Variants in PP2D1 observed in about 807,000 individuals in gnomAD.
PP2D1 encodes the protein protein phosphatase 2C-like domain-containing protein 1.
Under a neutral mutation model 30.2 loss-of-function variants are expected in PP2D1, and 25 were observed. The ratio of observed to expected loss-of-function variants is 0.83; its 90% confidence interval spans 0.60 to 1.16. The LOEUF (loss-of-function observed/expected upper bound fraction) is 1.16, where lower values mean the gene tolerates loss of function less well. Ranked by LOEUF, PP2D1 falls within the 50% of genes most tolerant of loss-of-function variation. PP2D1 has a pLI of 0.00. For missense variants in PP2D1, 760 were observed against 742.4 expected (o/e 1.02, Z -0.28); for synonymous variants, 260 against 258.9 (o/e 1.00, Z -0.04).
intron 1 of PP2D1, among the ~76,000 whole-genome samples, chr3:20,008,450 C>T (rs62241330): frequency 0.16 from 23,879 of 151,930 alleles, 2,468 homozygotes; most frequent in Non-Finnish European, 0.23. Context: ...GTCTGTAATC[C>T]GAGCTACTCG....
chr3:20,001,315 T>C lies in PP2D1; in HGVS notation c.805A>G (p.Ile269Val), dbSNP rs1697248720. The change falls in exon 2 of 3, where the codon ATA becomes GTA. Residue 269 changes from isoleucine (I) to valine (V), a missense_variant. By Grantham distance (29) the Ile-to-Val change is conservative. Around this residue, in one of 3 missense-constraint regions of PP2D1, gnomAD observed 374 missense variants for 388.8 expected, o/e 0.96. Coordinates refer to ENST00000389050, the MANE Select transcript of PP2D1 (RefSeq NM_001252657.2). Reference protein sequence around the residue: ...YAAIEDLFSAINKTEAVRCEY... With the variant: ...YAAIEDLFSAVNKTEAVRCEY... ...CACCTCACTGCTTCTGTTTTGTTTATGGCAGAAAAGAGGTCTTCTATTGCT... is the reference window on the plus strand; with the variant it reads ...CACCTCACTGCTTCTGTTTTGTTTACGGCAGAAAAGAGGTCTTCTATTGCT... The C allele has an allele frequency of 2.0e-6, 3 of 1,535,692 alleles. No homozygotes were observed. Among genetic ancestry groups the C allele is most frequent in the East Asian group, 4.9e-5 (2 of 40,912 alleles).
chr3:20,001,546 C>T lies in PP2D1; in HGVS notation c.574G>A (p.Val192Met). The change falls in exon 2 of 3, where the codon GTG becomes ATG. Residue 192 changes from valine to methionine, a missense_variant. Coordinates refer to ENST00000389050, the MANE Select transcript of PP2D1 (RefSeq NM_001252657.2). ...TTAGGTTTGTTACCAAAATTACTCA[C>T]TACAGTGAATTTATCATTCATGTCA... ...KADMNDKFTV[V>M]SNFGNKPNVC... 2 of 1,536,224 alleles carry T rather than the reference C, an allele frequency of 1.3e-6. No homozygotes were observed. The highest frequency in any genetic ancestry group is 1.7e-6 in the Non-Finnish European group (2 of 1,146,942).
chr3:20,004,725 T>G (rs952358562), intron 1 of PP2D1, among the ~76,000 whole-genome samples: 1 of 152,078 alleles, frequency 6.6e-6, no homozygotes, highest in African/African-American at 2.4e-5. Flanking sequence ...GTACAATTTC[T>G]AGGGCATGAG....
chr3:20,009,253 G>T (rs1470345995), intron 1 of PP2D1, among the ~76,000 whole-genome samples: 1 of 152,162 alleles, frequency 6.6e-6, no homozygotes, highest in Non-Finnish European at 1.5e-5. Context: ...CTTGAGGCCA[G>T]GAGTTGGGGA....
chr3:20,001,532 A>G lies in PP2D1; in HGVS notation c.588T>C (p.Gly196=). 1 of 1,536,158 alleles carries G rather than the reference A, an allele frequency of 6.5e-7. No homozygotes were observed. Among genetic ancestry groups the G allele is most frequent in the Admixed American group, 2.0e-5 (1 of 50,972 alleles). The change falls in exon 2 of 3, where the codon GGT becomes GGC. Residue 196 remains glycine, a synonymous_variant. Transcript: ENST00000389050. ...CAAAAAAACACACATTAGGTTTGTT[A>G]CCAAAATTACTCACTACAGTGAATT... ...NDKFTVVSNF[G]NKPNVCFFGL... is the part of the protein sequence containing the mutation.
intron 1 of PP2D1, among the ~76,000 whole-genome samples, chr3:20,010,756 C>G (rs1178153937): frequency 2.0e-5 from 3 of 152,024 alleles, no homozygotes; most frequent in African/African-American, 7.2e-5. Context: ...GAGCCAAGAT[C>G]ATGCCATTGC....
intron 1 of PP2D1, 66 bp from the exon 2 acceptor site, chr3:20,002,162 G>C: frequency 1.0e-6 from 1 of 991,152 alleles, no homozygotes; most frequent in Non-Finnish European, 1.5e-6. Flanking sequence ...CAAGCAGGCT[G>C]TTATCATTGC....
At chr3:19,984,074 G>A (rs1696985901), downstream of PP2D1, 1 of 435,700 alleles carries the variant, frequency 2.3e-6, no homozygotes, top group Admixed American at 4.0e-5. Context: ...GGAAGGTTAG[G>A]GGGAATAATT....
rs147302932 is a variant in PP2D1 at position 20,004,445 on chromosome 3, C to T, written c.24-2349G>A. ...TTGTAATTACTTTTGTACTGCATTT[C>T]GTCTGCCTTAAAACACTTGTGTTCT... On this transcript the variant is annotated intron_variant, in intron 1 of 2. Transcript: ENST00000389050. Among the ~76,000 whole-genome samples, 418 of 152,262 alleles carry T rather than the reference C, an allele frequency of 2.7e-3. 1 individual carries two copies. Among genetic ancestry groups the T allele is most frequent in the African/African-American group, 8.5e-3 (353 of 41,552 alleles).
chr3:20,001,637 T>A lies in PP2D1; in HGVS notation c.483A>T (p.Gln161His), dbSNP rs577766718. 1 of 1,536,338 alleles carries A rather than the reference T, an allele frequency of 6.5e-7. No individual in the cohort carries two copies. Among genetic ancestry groups the A allele is most frequent in the South Asian group, 1.2e-5 (1 of 84,058 alleles). ...CTTTAATTAACAGATGACATATTTT[T>A]TGAGAATATATGACACTCCTGTCAA... ...DNIDRSVIYS[Q>H]KICHLLIKGV... Residue 161 changes from glutamine (Q) to histidine (H), a missense_variant, in exon 2 of 3, where the codon CAA (glutamine) becomes CAT (histidine). Around this residue, in one of 3 missense-constraint regions of PP2D1, gnomAD observed 374 missense variants for 388.8 expected, o/e 0.96. Transcript: ENST00000389050.
At chr3:19,980,612 T>C (rs1352566665), downstream of PP2D1, among the ~76,000 whole-genome samples, 2 of 152,192 alleles carry the variant, frequency 1.3e-5, no homozygotes, top group African/African-American at 4.8e-5. Context: ...ATTTAAACAC[T>C]TAGGGAACAT....
At chr3:19,987,533 A>T (rs890218080) in intron 2 of PP2D1, among the ~76,000 whole-genome samples, 1 of 152,178 alleles carries the variant, frequency 6.6e-6, no homozygotes, top group African/African-American at 2.4e-5. Context: ...TTTAAATATG[A>T]TATTGTACCT....
chr3:19,998,309 A>T (rs1697208433), intron 2 of PP2D1, among the ~76,000 whole-genome samples: 1 of 151,852 alleles, frequency 6.6e-6, no homozygotes, highest in South Asian at 2.1e-4. Context: ...CAGCCTAGGC[A>T]ACAGAGTGAG....
intron 1 of PP2D1, among the ~76,000 whole-genome samples, chr3:20,007,496 C>T (rs576083221): frequency 1.3e-5 from 2 of 151,872 alleles, no homozygotes; most frequent in Non-Finnish European, 2.9e-5. Flanking sequence ...AGGCCAGGTG[C>T]GGTGGCTCAC....
chr3:19,980,208 C>T (rs1696896756), intron 3 of PP2D1: 1 of 152,148 alleles, frequency 6.6e-6, no homozygotes, highest in Non-Finnish European at 1.5e-5. Flanking sequence ...AGTTAATAGG[C>T]CTCTCAAATC....
At chr3:20,007,121 C>T (rs1448024899) in intron 1 of PP2D1, among the ~76,000 whole-genome samples, 1 of 152,104 alleles carries the variant, frequency 6.6e-6, no homozygotes, top group Non-Finnish European at 1.5e-5. Context: ...ATCCGCCCAG[C>T]TCTGCCTCCC....
chr3:20,001,947 T>C lies in PP2D1; in HGVS notation c.173A>G (p.Tyr58Cys), dbSNP rs780754847. The C allele has an allele frequency of 1.1e-5, 17 of 1,536,382 alleles. No homozygotes were observed. In the South Asian group the frequency reaches 1.8e-4, roughly 16 times the overall value. Reference sequence around the variant, plus strand: ...ACAGGGTAATGTGGTCCCTTGCTCATAGACCTGCTCCTCTTCATGGCGTTT... The same window carrying C: ...ACAGGGTAATGTGGTCCCTTGCTCACAGACCTGCTCCTCTTCATGGCGTTT... ...HTKRHEEEQV[Y>C]EQGTTLPCSI... The change falls in exon 2 of 3, where the codon TAT becomes TGT. Residue 58 changes from tyrosine (Y) to cysteine (C), a missense_variant. Tyr to Cys is a radical substitution (Grantham distance 194). Around this residue, in one of 3 missense-constraint regions of PP2D1, gnomAD observed 374 missense variants for 388.8 expected, o/e 0.96. Coordinates refer to ENST00000389050, the MANE Select transcript of PP2D1 (RefSeq NM_001252657.2).
rs1697085013 is a variant in PP2D1, at chr3:19,989,288, C to T, written c.1091-3106G>A. Among the ~76,000 whole-genome samples, 4 of 152,132 alleles carry T rather than the reference C, an allele frequency of 2.6e-5. No homozygotes were observed. The South Asian group carries it at 8.3e-4, about 31-fold the overall frequency. ...CAGAGGTTGCAGTGAGTCGAGATCGCATCACTGCACTTCAGTCTGCGCGAC... is the reference window on the plus strand; with the variant it reads ...CAGAGGTTGCAGTGAGTCGAGATCGTATCACTGCACTTCAGTCTGCGCGAC... On this transcript the variant is annotated intron_variant, in intron 2 of 2. Transcript: ENST00000389050.
At chr3:20,005,838 G>A (rs1356252813) in intron 1 of PP2D1, among the ~76,000 whole-genome samples, 3 of 152,268 alleles carry the variant, frequency 2.0e-5, no homozygotes, top group Non-Finnish European at 4.4e-5. Context: ...ACTTGAACCC[G>A]GGAGGTGGAG....
Sources: gnomAD v4.1 joint callset for allele counts (sites outside exome capture counted in the v4.1 genomes callset) on GRCh38, gnomAD v4.1.1 for gene constraint, gnomAD v4.1.1 regional missense constraint, MANE v1.5 for transcripts, NCBI Gene and HGNC (gene_info 2026-07-23, HGNC 2026-07-21) for gene names.